The following SLC25A30 variants were observed in gnomAD, a reference collection of about 807,000 sequenced individuals.
SLC25A30 encodes kidney mitochondrial carrier protein 1.
In SLC25A30, 29 loss-of-function variants were observed where a neutral mutation model predicts 42.7. That is an observed-to-expected ratio of 0.68 (90% CI 0.51 to 0.93). The LOEUF (loss-of-function observed/expected upper bound fraction) is 0.93, where lower values mean the gene tolerates loss of function less well. Among genes scored for constraint, SLC25A30 ranks in the 40% least tolerant of loss-of-function variants. The pLI is 0.00. For synonymous variants in SLC25A30, 124 were observed against 131.0 expected, an observed-to-expected ratio of 0.95 and a Z score of 0.37; for missense variants, 300 against 359.7, an observed-to-expected ratio of 0.83 and a Z score of 1.34.
the SLC25A30 span, among the ~76,000 whole-genome samples, chr13:45,433,755 T>C: frequency 6.6e-6 from 1 of 152,206 alleles, no homozygotes; most frequent in East Asian, 1.9e-4. Context: ...GCTTTCAAAC[T>C]CGTTAAACTG....
the SLC25A30 span, among the ~76,000 whole-genome samples, chr13:45,424,792 G>T: frequency 5.9e-5 from 2 of 34,158 alleles, no homozygotes; most frequent in South Asian, 9.6e-4. Flanking sequence ...ATATATAAAA[G>T]AATATAAATA....
chr13:45,425,286 G>GTA, the SLC25A30 span, among the ~76,000 whole-genome samples: 22 of 97,390 alleles, frequency 2.3e-4, no homozygotes, highest in South Asian at 4.2e-3. Context: ...ATAAATATAT[G>GTA]TACGTATATA....
At chr13:45,425,226 A>G in the SLC25A30 span, among the ~76,000 whole-genome samples, 1 of 103,816 alleles carries the variant, frequency 9.6e-6, no homozygotes, top group Non-Finnish European at 1.7e-5. Context: ...ACGTATGTAT[A>G]TAAATATTTA....
At chr13:45,407,451 G>A (rs1044338259) in intron 3 of SLC25A30, among the ~76,000 whole-genome samples, 16 of 152,002 alleles carry the variant, frequency 1.1e-4, no homozygotes, top group Non-Finnish European at 2.4e-4. Flanking sequence ...TTCCAGCTAT[G>A]TAGGGGGCTG....
the SLC25A30 span, among the ~76,000 whole-genome samples, chr13:45,426,038 T>C: frequency 6.8e-6 from 1 of 147,348 alleles, no homozygotes; most frequent in Non-Finnish European, 1.5e-5. Flanking sequence ...ATAAAGTATA[T>C]ATTTTTATAT....
the SLC25A30 span, among the ~76,000 whole-genome samples, chr13:45,433,356 G>A: frequency 1.3e-5 from 2 of 152,198 alleles, no homozygotes; most frequent in Non-Finnish European, 2.9e-5. Context: ...TAGCCAGAGT[G>A]TTCTAAAGTG....
At chr13:45,425,078 AT>A in the SLC25A30 span, among the ~76,000 whole-genome samples, 1 of 34,832 alleles carries the variant, frequency 2.9e-5, no homozygotes, top group African/African-American at 1.3e-4. Flanking sequence ...ATACATATAT[AT>A]AAATATATAA....
the SLC25A30 span, among the ~76,000 whole-genome samples, chr13:45,433,675 T>C: frequency 6.6e-6 from 1 of 152,208 alleles, no homozygotes; most frequent in African/African-American, 2.4e-5. Flanking sequence ...TCAGGGAAGC[T>C]GGCCGAGGCC....
At chr13:45,396,184 C>G in intron 9 of SLC25A30, 169 bp from the exon 10 acceptor site, 5 of 1,484,816 alleles carry the variant, frequency 3.4e-6, no homozygotes, top group Non-Finnish European at 4.5e-6. Flanking sequence ...AAACTATCTT[C>G]CAAGGTCAGC....
intron 1 of SLC25A30, among the ~76,000 whole-genome samples, chr13:45,414,962 G>A (rs1946842868): frequency 6.6e-6 from 1 of 152,136 alleles, no homozygotes; most frequent in African/African-American, 2.4e-5. Context: ...ATAGTGTCTG[G>A]GCAGCATCTC....
Position 45,405,985 on chromosome 13 carries a change from A to G in SLC25A30, c.213-8T>C, listed in dbSNP as rs1227729037. 1 of 1,613,864 alleles carries G rather than the reference A, an allele frequency of 6.2e-7. No homozygotes were observed. The highest frequency in any genetic ancestry group is 8.5e-7 in the Non-Finnish European group (1 of 1,179,848). On this transcript the variant is annotated splice_region_variant and splice_polypyrimidine_tract_variant and intron_variant, in intron 3 of 9. Coordinates refer to ENST00000519676, the MANE Select transcript of SLC25A30 (RefSeq NM_001010875.4). ...AACATCGCGGGGGCAATCCTGTTAA[A>G]CCAATGTACAAAGGGACAAAAGCAA...
chr13:45,404,289 G>T, intron 5 of SLC25A30, 38 bp downstream of exon 5: 1 of 1,363,250 alleles, frequency 7.3e-7, no homozygotes, highest in Non-Finnish European at 1.1e-6. Flanking sequence ...ATAAGAAAAT[G>T]TGGAATGTGC....
At chr13:45,402,768 G>A (rs1882124109) in intron 5 of SLC25A30, 1 of 985,330 alleles carries the variant, frequency 1.0e-6, no homozygotes, top group Non-Finnish European at 1.2e-6. Flanking sequence ...CTGGCAGCAC[G>A]AAGCACAGGC....
chr13:45,396,139 G>C (rs1881296449), intron 9 of SLC25A30, 124 bp from the exon 10 acceptor site: 7 of 1,590,452 alleles, frequency 4.4e-6, no homozygotes, highest in Non-Finnish European at 6.0e-6. Context: ...CTATGGACAC[G>C]ATTAAATAAA....
the SLC25A30 span, among the ~76,000 whole-genome samples, chr13:45,427,101 G>A: frequency 6.6e-6 from 1 of 152,088 alleles, no homozygotes; most frequent in African/African-American, 2.4e-5. Flanking sequence ...ATCTTGAAGA[G>A]ATCTGAGACT....
upstream of SLC25A30, among the ~76,000 whole-genome samples, chr13:45,423,436 G>T (rs1024798019): frequency 1.4e-5 from 2 of 141,908 alleles, no homozygotes; most frequent in Non-Finnish European, 3.0e-5. Flanking sequence ...TATGCCCAAG[G>T]GTTAGCAAAT....
At chr13:45,433,077 C>T in the SLC25A30 span, among the ~76,000 whole-genome samples, 1 of 150,578 alleles carries the variant, frequency 6.6e-6, no homozygotes, top group Non-Finnish European at 1.5e-5. Context: ...ACTGGAATTG[C>T]CTGTATTATT....
At chr13:45,424,863 A>AAAATATAT in the SLC25A30 span, among the ~76,000 whole-genome samples, 1 of 32,884 alleles carries the variant, frequency 3.0e-5, no homozygotes, top group African/African-American at 1.4e-4. Context: ...TATATATATA[A>AAAATATAT]AAATATATAT....
At chr13:45,425,192 A>G in the SLC25A30 span, among the ~76,000 whole-genome samples, 6 of 101,614 alleles carry the variant, frequency 5.9e-5, no homozygotes, top group South Asian at 2.7e-4. Flanking sequence ...ATATACATAT[A>G]TAAATATATG....
Sources: gnomAD v4.1 joint callset for allele counts (sites outside exome capture counted in the v4.1 genomes callset) on GRCh38, gnomAD v4.1.1 for gene constraint, MANE v1.5 for transcripts, NCBI Gene and HGNC (gene_info 2026-07-23, HGNC 2026-07-21) for gene names.